FAHD2B: variants seen among roughly 807,000 people sequenced by gnomAD.
The protein encoded by FAHD2B is oxaloacetate tautomerase FAHD2B, mitochondrial.
In FAHD2B, 26 loss-of-function variants were observed where a neutral mutation model predicts 33.7. That is an observed-to-expected ratio of 0.77 (90% confidence interval 0.57 to 1.07). FAHD2B has a LOEUF of 1.07. Ranked by LOEUF, FAHD2B falls within the 50% of genes least tolerant of loss-of-function variation. FAHD2B has a pLI of 0.00. For missense variants in FAHD2B, 272 were observed against 388.1 expected (o/e 0.70, Z 2.51); for synonymous variants, 108 against 150.9 (o/e 0.72, Z 2.08).
At chr2:97,090,700 T>TA (rs1184453221) in intron 3 of FAHD2B, among the ~76,000 whole-genome samples, 13 of 152,046 alleles carry the variant, frequency 8.6e-5, no homozygotes, top group Non-Finnish European at 1.8e-4. Context: ...TTACATCTTT[T>TA]AAAAAAACAA....
At chr2:97,090,397 C>A (rs1441899176) in intron 3 of FAHD2B, 72 bp from the exon 4 acceptor site, 2 of 1,471,376 alleles carry the variant, frequency 1.4e-6, no homozygotes, top group Non-Finnish European at 9.0e-7. Flanking sequence ...CTGGGCAGAT[C>A]CTGCAGCAGC....
At chr2:97,090,607 G>T (rs550329304) in intron 3 of FAHD2B, among the ~76,000 whole-genome samples, 1 of 151,984 alleles carries the variant, frequency 6.6e-6, no homozygotes, top group Non-Finnish European at 1.5e-5. Flanking sequence ...TTCCCCTTCT[G>T]GTTACCCCGT....
downstream of FAHD2B, among the ~76,000 whole-genome samples, chr2:97,079,632 G>A (rs1187951567): frequency 6.7e-6 from 1 of 150,204 alleles, no homozygotes; most frequent in African/African-American, 2.4e-5. Flanking sequence ...TTTTGAATTT[G>A]TTTAAATTTC....
rs921698181 is a variant in FAHD2B, at chr2:97,085,922, T to C, written c.523-61A>G. The C allele has an allele frequency of 1.9e-6, 3 of 1,604,494 alleles. No individual in the cohort carries two copies. The African/African-American group carries it at 4.0e-5, about 21-fold the overall frequency. ...AGATCACGGGTGACACCAACACCTG[T>C]GGCAAGGGATCTCAAAGCTGTTATC... is the stretch of plus-strand genomic sequence containing the variant. On this transcript the variant is annotated intron_variant, in intron 5 of 8. Transcript: ENST00000414820.
chr2:97,089,887 T>G (rs2032228620), intron 4 of FAHD2B: 5 of 611,636 alleles, frequency 8.2e-6, no homozygotes, highest in Admixed American at 6.0e-5. Flanking sequence ...AATGTTTATC[T>G]CTGTTTTATC....
At chr2:97,090,035 T>G in intron 4 of FAHD2B, 74 bp downstream of exon 4, 2 of 1,520,520 alleles carry the variant, frequency 1.3e-6, no homozygotes, top group Non-Finnish European at 1.8e-6. Flanking sequence ...GTGGCTCCAG[T>G]AGGCTCAATA....
downstream of FAHD2B, chr2:97,083,156 C>T (rs1214172283): frequency 1.6e-5 from 25 of 1,585,270 alleles, 1 homozygote; most frequent in South Asian, 5.7e-5. Flanking sequence ...CTGCAGCAGA[C>T]GCCGAGCCCT....
downstream of FAHD2B, chr2:97,081,402 C>A: frequency 6.5e-7 from 1 of 1,548,390 alleles, no homozygotes. Context: ...ATGTGCCTGG[C>A]TCTCCTGAGG....
intron 4 of FAHD2B, among the ~76,000 whole-genome samples, chr2:97,087,208 C>T (rs1243132170): frequency 1.3e-5 from 2 of 151,862 alleles, no homozygotes; most frequent in Non-Finnish European, 2.9e-5. Context: ...CCTGCCACCA[C>T]GCCTGGCTAA....
At chr2:97,084,349 A>C in intron 6 of FAHD2B, 72 bp from the exon 7 acceptor site, 1 of 1,571,350 alleles carries the variant, frequency 6.4e-7, no homozygotes, top group Non-Finnish European at 8.7e-7. Flanking sequence ...TACAAACACA[A>C]CTGTAGGGGC....
At chr2:97,093,153 G>A (rs1465476289) in intron 1 of FAHD2B, among the ~76,000 whole-genome samples, 1 of 151,904 alleles carries the variant, frequency 6.6e-6, no homozygotes, top group Non-Finnish European at 1.5e-5. Context: ...AGTTTGTATT[G>A]TACAGCCTTC....
chr2:97,092,820 A>G (rs947037530), intron 1 of FAHD2B, among the ~76,000 whole-genome samples: 1 of 151,756 alleles, frequency 6.6e-6, no homozygotes, highest in Non-Finnish European at 1.5e-5. Flanking sequence ...AAAATGCAAA[A>G]AAATTAGCCA....
At chr2:97,088,438 C>T (rs890075935) in intron 4 of FAHD2B, among the ~76,000 whole-genome samples, 8 of 152,058 alleles carry the variant, frequency 5.3e-5, no homozygotes, top group East Asian at 3.9e-4. Flanking sequence ...GTTTTAAAAA[C>T]GGGAGTTTCT....
At chr2:97,080,955 GA>G, downstream of FAHD2B, 1 of 612,478 alleles carries the variant, frequency 1.6e-6, no homozygotes. Flanking sequence ...AGACTTTGCT[GA>G]AGTTGCTTAT....
downstream of FAHD2B, among the ~76,000 whole-genome samples, chr2:97,079,000 T>A (rs1406077347): frequency 6.6e-6 from 1 of 152,124 alleles, no homozygotes; most frequent in Admixed American, 6.6e-5. Flanking sequence ...CACTTATAAG[T>A]AAGAACATGT....
rs764011340 is a variant in FAHD2B, at chr2:97,090,282, T to C, written c.289A>G (p.Thr97Ala). 10 of 1,613,478 alleles carry C rather than the reference T, an allele frequency of 6.2e-6. No individual in the cohort carries two copies. Among genetic ancestry groups the C allele is most frequent in the East Asian group, 2.2e-5 (1 of 44,880 alleles). Residue 97 changes from threonine (T) to alanine (A), a missense_variant, in exon 4 of 9, where the codon ACC (threonine) becomes GCC (alanine). Physicochemically the swap from Thr to Ala is moderately conservative, Grantham distance 58. Coordinates refer to ENST00000414820, the MANE Select transcript of FAHD2B (RefSeq NM_001320848.2). ...GGCCATGTGACTGGAGCCAGGAAGG[T>C]TACCTCCGACCATGGTAGGACTGGC... ...QLPVLPWSEVTFLAPVTWPDK... is the reference protein window; with the variant it reads ...QLPVLPWSEVAFLAPVTWPDK...
downstream of FAHD2B, among the ~76,000 whole-genome samples, chr2:97,081,759 A>G (rs2031652564): frequency 6.7e-6 from 1 of 148,334 alleles, no homozygotes; most frequent in South Asian, 2.1e-4. Flanking sequence ...TGTGCCTCTG[A>G]GGTTCTCTGC....
chr2:97,091,747 G>T (rs747040888), intron 2 of FAHD2B, 35 bp from the exon 3 acceptor site: 1 of 1,583,740 alleles, frequency 6.3e-7, no homozygotes, highest in Non-Finnish European at 8.6e-7. Context: ...GGAGATGGAG[G>T]ATCTCAGAGC....
At chr2:97,093,249 A>C (rs2032459083) in intron 1 of FAHD2B, among the ~76,000 whole-genome samples, 1 of 152,026 alleles carries the variant, frequency 6.6e-6, no homozygotes, top group African/African-American at 2.4e-5. Context: ...TTAAAGACTC[A>C]TTAGACTTAG....
Sources: gnomAD v4.1 joint callset for allele counts (sites outside exome capture counted in the v4.1 genomes callset) on GRCh38, gnomAD v4.1.1 for gene constraint, MANE v1.5 for transcripts, NCBI Gene and HGNC (gene_info 2026-07-23, HGNC 2026-07-21) for gene names.